Variants in PRKN observed in about 807,000 individuals in gnomAD.
PRKN encodes E3 ubiquitin-protein ligase parkin.
A neutral mutation model predicts 59.5 loss-of-function variants in PRKN; 56 were observed. The observed-to-expected ratio is 0.94, with a 90% CI of 0.76 to 1.18. The LOEUF (loss-of-function observed/expected upper bound fraction) is 1.18, where lower values mean the gene tolerates loss of function less well. PRKN is among the 50% of genes most tolerant of loss of function. PRKN has a pLI of 0.00. For synonymous variants in PRKN, 250 were observed against 222.1 expected, an observed-to-expected ratio of 1.13 and a Z score of -1.12; for missense variants, 657 against 596.4, an observed-to-expected ratio of 1.10 and a Z score of -1.06.
intron 6 of PRKN, among the ~76,000 whole-genome samples, chr6:161,969,765 T>C (rs571564721): frequency 6.6e-6 from 1 of 152,348 alleles, no homozygotes; most frequent in Non-Finnish European, 1.5e-5. Flanking sequence ...TCTATTATTT[T>C]AATCCATATT....
In PRKN at chr6:161,374,987, AGG is replaced by A. The variant is rs1374409542; in HGVS notation, c.1167+11805_1167+11806del. ...TTTTCAGAGGAGGGTCCCATGTGTC[AGG>A]CCAGGCAGGCATCTGGTGGAGGCTG... On this transcript the variant is annotated intron_variant, in intron 10 of 11. Coordinates refer to ENST00000366898, the MANE Select transcript of PRKN (RefSeq NM_004562.3). Among the ~76,000 whole-genome samples the A allele has an allele frequency of 6.0e-4, 92 of 152,256 alleles. 1 individual carries two copies. Among genetic ancestry groups the A allele is most frequent in the Middle Eastern group, 3.4e-3 (1 of 294 alleles).
intron 6 of PRKN, among the ~76,000 whole-genome samples, chr6:161,832,302 G>A (rs1562324229): frequency 6.6e-6 from 1 of 152,136 alleles, no homozygotes; most frequent in Non-Finnish European, 1.5e-5. Flanking sequence ...ATGGTCATGA[G>A]AATAATAGCG....
chr6:162,074,786 A>AT (rs1778749126), intron 4 of PRKN, among the ~76,000 whole-genome samples: 1 of 152,144 alleles, frequency 6.6e-6, no homozygotes, highest in Admixed American at 6.5e-5. Context: ...TGTTAAACCA[A>AT]TGAAATGCCA....
chr6:161,567,037 T>TTTGTGTG (rs548743646), intron 8 of PRKN, among the ~76,000 whole-genome samples: 11,659 of 103,498 alleles, frequency 0.11, 940 homozygotes, highest in East Asian at 0.33. Context: ...TTTTTTTTTT[T>TTTGTGTG]TGTGTGTGTG....
chr6:162,670,669 C>T (rs1038636243), intron 1 of PRKN, among the ~76,000 whole-genome samples: 6 of 152,126 alleles, frequency 3.9e-5, no homozygotes, highest in African/African-American at 1.4e-4. Flanking sequence ...ACCACCTAAG[C>T]TTCCTGCTTC....
chr6:162,020,332 C>CAAAAAAAAAAAAAAAA (rs771141235), intron 5 of PRKN, among the ~76,000 whole-genome samples: 6 of 45,442 alleles, frequency 1.3e-4, no homozygotes, highest in Non-Finnish European at 2.3e-4. Context: ...ACCAATGAAT[C>CAAAAAAAAAAAAAAAA]AAAAAAAAAA....
At chr6:162,267,424 A>C (rs1178117171) in intron 2 of PRKN, among the ~76,000 whole-genome samples, 3 of 152,244 alleles carry the variant, frequency 2.0e-5, no homozygotes, top group African/African-American at 7.2e-5. Flanking sequence ...CTAGTATACA[A>C]AAAAATTCCT....
intron 9 of PRKN, among the ~76,000 whole-genome samples, chr6:161,389,603 A>T (rs1309440860): frequency 6.6e-6 from 1 of 152,200 alleles, no homozygotes; most frequent in Non-Finnish European, 1.5e-5. Flanking sequence ...ATTTTCTCCT[A>T]TTTTTAAAAA....
At chr6:162,195,516 TA>T (rs1159042908) in intron 4 of PRKN, among the ~76,000 whole-genome samples, 6 of 152,224 alleles carry the variant, frequency 3.9e-5, no homozygotes, top group African/African-American at 9.6e-5. Flanking sequence ...AAATTGTGCC[TA>T]ATCTATAAAC....
intron 1 of PRKN, among the ~76,000 whole-genome samples, chr6:162,674,228 G>A (rs766225591): frequency 4.7e-4 from 71 of 152,118 alleles, no homozygotes; most frequent in Non-Finnish European, 9.8e-4. Flanking sequence ...AACTTGGTTG[G>A]ATGAAGCCCC....
chr6:161,490,820 T>C (rs1562483613), intron 9 of PRKN, among the ~76,000 whole-genome samples: 2 of 152,138 alleles, frequency 1.3e-5, no homozygotes, highest in Non-Finnish European at 2.9e-5. Context: ...GTGAGCACCA[T>C]CCCATCGGTG....
At position 161,385,754 on chromosome 6, in the gene PRKN, G is replaced by C. The variant is rs1263815308; in HGVS notation, c.1167+1040C>G. ...TGGGCCATTATTGCTTTTGCTGTCAGTACCTGGTAAGCTCGCGTTTGAATG... is the reference window on the plus strand; with the variant it reads ...TGGGCCATTATTGCTTTTGCTGTCACTACCTGGTAAGCTCGCGTTTGAATG... On this transcript the variant is annotated intron_variant, in intron 10 of 11. Transcript: ENST00000366898. The surrounding 1 kb of genome is among the most constrained non-coding windows in gnomAD (Gnocchi z 4.9). Among the ~76,000 whole-genome samples the C allele has an allele frequency of 6.6e-6, 1 of 152,182 alleles. No individual in the cohort carries two copies. Among genetic ancestry groups the C allele is most frequent in the Non-Finnish European group, 1.5e-5 (1 of 68,022 alleles).
In PRKN at chr6:161,566,448, C is replaced by T. The variant is rs1424505998; in HGVS notation, c.933+2907G>A. 6.6e-6 allele frequency among the ~76,000 whole-genome samples: 1 copy of T among 152,130 alleles called. No individual in the cohort carries two copies. The highest frequency in any genetic ancestry group is 2.4e-5 in the African/African-American group (1 of 41,410). ...CTGAGACAGAGTCTCACTCTGTCAC[C>T]CAGGCTGGAGTGCATTGGCACGATA... On this transcript the variant is annotated intron_variant, in intron 8 of 11. Transcript: ENST00000366898. This position sits in a 1 kb window ranked among gnomAD's most constrained non-coding sequence, Gnocchi z 4.1.
intron 1 of PRKN, among the ~76,000 whole-genome samples, chr6:162,518,480 C>T (rs1473305997): frequency 6.6e-6 from 1 of 152,154 alleles, no homozygotes; most frequent in Non-Finnish European, 1.5e-5. Context: ...ATTCTCGTGC[C>T]TCAGCCTCCT....
chr6:161,749,120 G>A (rs1011613742), intron 7 of PRKN, among the ~76,000 whole-genome samples: 1 of 152,138 alleles, frequency 6.6e-6, no homozygotes, highest in Non-Finnish European at 1.5e-5. Flanking sequence ...GGGCAAGCAG[G>A]TACGCCTAAG....
intron 7 of PRKN, among the ~76,000 whole-genome samples, chr6:161,705,858 T>C (rs1786467136): frequency 6.6e-6 from 1 of 152,190 alleles, no homozygotes; most frequent in Non-Finnish European, 1.5e-5. Flanking sequence ...TTGTACCTTC[T>C]TAGCTTCTAC....
chr6:162,075,458 C>A (rs183977112), intron 4 of PRKN, among the ~76,000 whole-genome samples: 1 of 151,982 alleles, frequency 6.6e-6, no homozygotes, highest in Admixed American at 6.6e-5. Flanking sequence ...TTAACTTGAT[C>A]GCCTGCATTT....
At chr6:161,524,167 G>A (rs1778937149) in intron 9 of PRKN, among the ~76,000 whole-genome samples, 1 of 152,122 alleles carries the variant, frequency 6.6e-6, no homozygotes, top group Admixed American at 6.5e-5. Context: ...CCAAAAGGAT[G>A]TTGGAATTAT....
chr6:162,537,173 A>G (rs1256273922), intron 1 of PRKN, among the ~76,000 whole-genome samples: 2 of 152,098 alleles, frequency 1.3e-5, no homozygotes, highest in Non-Finnish European at 2.9e-5. Context: ...TCACCTGGGG[A>G]GCTTTCAAAA....
Sources: gnomAD v4.1 joint callset for allele counts (sites outside exome capture counted in the v4.1 genomes callset) on GRCh38, gnomAD v4.1.1 for gene constraint, Gnocchi (gnomAD v3.1) non-coding constraint, MANE v1.5 for transcripts, NCBI Gene and HGNC (gene_info 2026-07-23, HGNC 2026-07-21) for gene names.